SH3D19: variants seen among roughly 807,000 people sequenced by gnomAD.
The protein encoded by SH3D19 is SH3 domain-containing protein 19.
SH3D19 carries 58 observed loss-of-function variants against 112.1 expected under a neutral mutation model. The observed-to-expected ratio is 0.52, with a 90% CI of 0.42 to 0.64. The LOEUF is 0.64. Ranked by LOEUF, SH3D19 falls within the 30% of genes least tolerant of loss-of-function variation. The probability of loss-of-function intolerance (pLI) is 0.00; values close to 1 mark genes in which losing one functional copy is unlikely to be tolerated. For missense variants in SH3D19, 1,090 were observed against 1,263.4 expected, an observed-to-expected ratio of 0.86 and a Z score of 2.08; for synonymous variants, 391 against 448.5, an observed-to-expected ratio of 0.87 and a Z score of 1.62.
chr4:151,264,917 T>C (rs888012776), intron 1 of SH3D19, among the ~76,000 whole-genome samples: 4 of 152,224 alleles, frequency 2.6e-5, no homozygotes, highest in African/African-American at 9.6e-5. Context: ...CATTACTTGA[T>C]GAATAAAGAA....
intron 1 of SH3D19, among the ~76,000 whole-genome samples, chr4:151,256,929 CAG>C (rs1771972750): frequency 6.6e-6 from 1 of 151,092 alleles, no homozygotes; most frequent in Non-Finnish European, 1.5e-5. Flanking sequence ...TTAGTAGAGA[CAG>C]GGTTTTTGCC....
intron 1 of SH3D19, among the ~76,000 whole-genome samples, chr4:151,256,663 T>C (rs778354564): frequency 1.3e-5 from 2 of 151,224 alleles, no homozygotes; most frequent in Non-Finnish European, 2.9e-5. Flanking sequence ...TATCTGATGA[T>C]ATAAGGTGTA....
chr4:151,250,236 G>A (rs1276478479), intron 1 of SH3D19, among the ~76,000 whole-genome samples: 1 of 152,054 alleles, frequency 6.6e-6, no homozygotes, highest in Admixed American at 6.6e-5. Flanking sequence ...AAATCTAAGT[G>A]TCCATCAACA....
chr4:151,149,576 G>C lies in SH3D19; in HGVS notation c.1756-15C>G. On this transcript the variant is annotated splice_polypyrimidine_tract_variant and intron_variant, in intron 9 of 19. Coordinates refer to ENST00000604030, the MANE Select transcript of SH3D19 (RefSeq NM_001378122.1). ...TGGTTGGATTCCTGCAAGTAGCAGA[G>C]AATGCTTTTTAGTTAAGGTTAATCT... The C allele has an allele frequency of 6.2e-7, 1 of 1,609,944 alleles. No homozygotes were observed. The highest frequency in any genetic ancestry group is 8.5e-7 in the Non-Finnish European group (1 of 1,177,802).
At chr4:151,144,578 G>A (rs1273645870) in intron 11 of SH3D19, among the ~76,000 whole-genome samples, 5 of 152,162 alleles carry the variant, frequency 3.3e-5, no homozygotes, top group Non-Finnish European at 7.3e-5. Flanking sequence ...GATCCGCCAA[G>A]TCCCCTGGGG....
At chr4:151,180,806 C>T (rs1554046544) in intron 3 of SH3D19, among the ~76,000 whole-genome samples, 1 of 151,576 alleles carries the variant, frequency 6.6e-6, no homozygotes, top group Non-Finnish European at 1.5e-5. Flanking sequence ...CTCTGTCGCC[C>T]AGGCTGGAGT....
At chr4:151,127,576 T>C in intron 19 of SH3D19, 42 bp downstream of exon 19, 1 of 1,218,064 alleles carries the variant, frequency 8.2e-7, no homozygotes, top group East Asian at 2.5e-5. Context: ...ATTTAAAAAA[T>C]TATAGTGCTT....
At chr4:151,237,683 T>C (rs1770232794) in intron 1 of SH3D19, among the ~76,000 whole-genome samples, 2 of 152,124 alleles carry the variant, frequency 1.3e-5, no homozygotes, top group African/African-American at 2.4e-5. Context: ...ACACAAAGGG[T>C]AGTATATTTG....
intron 11 of SH3D19, 124 bp from the exon 12 acceptor site, chr4:151,144,174 T>C (rs1753511428): frequency 4.4e-6 from 7 of 1,597,810 alleles, no homozygotes; most frequent in Non-Finnish European, 6.0e-6. Flanking sequence ...CAGAGGCCAG[T>C]AATTTTTTTT....
intron 1 of SH3D19, among the ~76,000 whole-genome samples, chr4:151,299,760 G>A (rs1264739175): frequency 1.3e-5 from 2 of 152,038 alleles, no homozygotes; most frequent in Non-Finnish European, 2.9e-5. Flanking sequence ...AAATGCACTT[G>A]TGTCTCACAT....
intron 19 of SH3D19, among the ~76,000 whole-genome samples, chr4:151,125,146 A>T (rs1026576085): frequency 3.9e-5 from 6 of 152,132 alleles, no homozygotes; most frequent in African/African-American, 7.2e-5. Flanking sequence ...CGAGTTTTTA[A>T]TTTTGCATAG....
chr4:151,318,652 T>C (rs1395167808), intron 1 of SH3D19, among the ~76,000 whole-genome samples: 2 of 152,350 alleles, frequency 1.3e-5, no homozygotes, highest in East Asian at 3.9e-4. Flanking sequence ...TTTATAGGTA[T>C]TTACTATGGG....
At chr4:151,258,476 G>A (rs1772113655) in intron 1 of SH3D19, among the ~76,000 whole-genome samples, 1 of 152,210 alleles carries the variant, frequency 6.6e-6, no homozygotes, top group Non-Finnish European at 1.5e-5. Flanking sequence ...TCCCTGAGAT[G>A]TGGCAGTTTA....
intron 9 of SH3D19, among the ~76,000 whole-genome samples, chr4:151,156,168 A>G (rs933348964): frequency 1.5e-4 from 23 of 152,218 alleles, no homozygotes; most frequent in Non-Finnish European, 2.5e-4. Context: ...AAAATGGAAG[A>G]AGATACAAAG....
At chr4:151,248,119 T>G (rs1353457631) in intron 1 of SH3D19, among the ~76,000 whole-genome samples, 1 of 63,826 alleles carries the variant, frequency 1.6e-5, no homozygotes, top group Non-Finnish European at 4.7e-5. Flanking sequence ...TTTTACTTTT[T>G]TTTTTTTGTT....
At chr4:151,255,851 A>G (rs1024567898) in intron 1 of SH3D19, among the ~76,000 whole-genome samples, 1 of 152,202 alleles carries the variant, frequency 6.6e-6, no homozygotes, top group Non-Finnish European at 1.5e-5. Context: ...ACAGCGAAAC[A>G]CCGTCTCCAC....
chr4:151,153,478 C>G (rs952916794), intron 9 of SH3D19, among the ~76,000 whole-genome samples: 1 of 152,054 alleles, frequency 6.6e-6, no homozygotes, highest in Non-Finnish European at 1.5e-5. Flanking sequence ...AACTCCTGAC[C>G]TCAGGTGATC....
chr4:151,158,290 C>CTTTA (rs561402860), intron 9 of SH3D19, among the ~76,000 whole-genome samples: 55 of 151,946 alleles, frequency 3.6e-4, no homozygotes, highest in South Asian at 2.1e-3. Context: ...AGTCTTTATT[C>CTTTA]TTTATTTATT....
chr4:151,298,849 A>G (rs913839979), intron 1 of SH3D19, among the ~76,000 whole-genome samples: 1 of 152,238 alleles, frequency 6.6e-6, no homozygotes, highest in African/African-American at 2.4e-5. Context: ...CCTACGGAGG[A>G]AGAAACTGAA....
Sources: allele counts gnomAD v4.1 joint callset (sites outside exome capture counted in the v4.1 genomes callset), GRCh38; gene constraint gnomAD v4.1.1; transcripts MANE v1.5; gene names NCBI Gene and HGNC (gene_info 2026-07-23, HGNC 2026-07-21).